Variants in TPP2 observed in about 807,000 individuals in gnomAD.
TPP2 encodes the protein tripeptidyl peptidase 2, also known as tripeptidyl-peptidase 2.
TPP2 carries 34 observed loss-of-function variants against 155.9 expected under a neutral mutation model. The ratio of observed to expected loss-of-function variants is 0.22; its 90% confidence interval spans 0.17 to 0.29. The LOEUF is 0.29. Among genes scored for constraint, TPP2 ranks in the 10% least tolerant of loss-of-function variants. TPP2 has a pLI of 1.00. For synonymous variants in TPP2, 510 were observed against 529.4 expected (o/e 0.96, Z 0.50); for missense variants, 1,028 against 1,522.3 (o/e 0.68, Z 5.40).
chr13:102,604,010 A>T (rs1879626038), intron 1 of TPP2, among the ~76,000 whole-genome samples: 1 of 152,180 alleles, frequency 6.6e-6, no homozygotes, highest in African/African-American at 2.4e-5. Flanking sequence ...CGCTGTGAGG[A>T]GTCAACTGAA....
rs913128876 is a variant in TPP2, at chr13:102,654,909, G to A, written c.2992-2147G>A. The A allele has an allele frequency of 1.1e-5, 5 of 467,906 alleles. No individual in the cohort carries two copies. In the Admixed American group the frequency reaches 1.1e-4, roughly 11 times the overall value. 29.0% of individuals were successfully genotyped at this position (467,906 alleles called of 1,614,324 possible). ...GCTCAGGGCAGTGCCTACCCAGAGA[G>A]TGAACCTCAAGAAGGAGAGGAGCAG... On this transcript the variant is annotated intron_variant, in intron 24 of 29. Transcript: ENST00000376052.
chr13:102,675,357 A>G (rs1595229640), intron 28 of TPP2, among the ~76,000 whole-genome samples: 1 of 152,230 alleles, frequency 6.6e-6, no homozygotes, highest in African/African-American at 2.4e-5. Context: ...ATCTGAAATT[A>G]GAGCCCTTGA....
chr13:102,607,064 A>G (rs1327630071), intron 2 of TPP2, among the ~76,000 whole-genome samples: 1 of 152,220 alleles, frequency 6.6e-6, no homozygotes, highest in Non-Finnish European at 1.5e-5. Context: ...ATATGAGGAC[A>G]CAGCAAGAAG....
intron 3 of TPP2, among the ~76,000 whole-genome samples, chr13:102,615,122 T>C (rs1455804919): frequency 1.3e-5 from 2 of 152,198 alleles, no homozygotes; most frequent in Non-Finnish European, 2.9e-5. Flanking sequence ...TTACTCAGAT[T>C]ACCTTATTTG....
At chr13:102,614,313 GGGTGGTT>G in intron 3 of TPP2, 117 bp downstream of exon 3, 1 of 893,868 alleles carries the variant, frequency 1.1e-6, no homozygotes, top group Non-Finnish European at 1.6e-6. Flanking sequence ...TTAGTTTTTT[GGGTGGTT>G]GGTGGCTTTC....
chr13:102,649,605 A>G (rs1883359459), intron 23 of TPP2, 119 bp downstream of exon 23: 1 of 814,640 alleles, frequency 1.2e-6, no homozygotes. Context: ...TTGGGGAAAA[A>G]AATTTAATCC....
chr13:102,647,927 GTA>G (rs1335057437), intron 21 of TPP2, among the ~76,000 whole-genome samples: 2 of 152,110 alleles, frequency 1.3e-5, no homozygotes, highest in East Asian at 3.9e-4. Context: ...CCTGTAATAT[GTA>G]TAATTTTATG....
intron 16 of TPP2, among the ~76,000 whole-genome samples, chr13:102,642,037 C>CTGGGTTTG (rs929995239): frequency 2.6e-5 from 4 of 152,048 alleles, no homozygotes; most frequent in African/African-American, 9.7e-5. Context: ...ATTGAGAAGT[C>CTGGGTTTG]TGGGTTTGGA....
rs921260119 is a variant in TPP2 at position 102,657,272 on chromosome 13, TTG to T, written c.3143+69_3143+70del. The T allele has an allele frequency of 4.7e-5, 66 of 1,401,374 alleles. 1 individual carries two copies. Among genetic ancestry groups the T allele is most frequent in the Middle Eastern group, 2.6e-4 (1 of 3,820 alleles). 86.8% of individuals were successfully genotyped at this position (1,401,374 alleles called of 1,614,324 possible). A position where few individuals can be genotyped will look rare whatever the true frequency, so the allele number is the denominator to read the frequency against. The stretch of plus-strand genomic sequence containing the variant: ...TTCTATTTTCCCAACTATAACAATA[TTG>T]TGTATATATACATAGACCGTATTTA... On this transcript the variant is annotated intron_variant, in intron 25 of 29. Transcript: ENST00000376052.
chr13:102,601,302 A>G (rs1879412011), intron 1 of TPP2, among the ~76,000 whole-genome samples: 1 of 152,194 alleles, frequency 6.6e-6, no homozygotes, highest in African/African-American at 2.4e-5. Flanking sequence ...ACCTTTCCTG[A>G]AATTTTAAGT....
chr13:102,667,901 G>T, intron 27 of TPP2: 1 of 872,668 alleles, frequency 1.1e-6, no homozygotes, highest in African/African-American at 1.8e-5. Context: ...GTGAAAGAGT[G>T]GGCTAGGGGA....
rs1223645960 is a variant in TPP2, at chr13:102,644,615, A to T, written c.2234A>T (p.Asn745Ile). The T allele has an allele frequency of 2.5e-6, 4 of 1,613,256 alleles. No homozygotes were observed. The highest frequency in any genetic ancestry group is 1.1e-5 in the South Asian group (1 of 90,838). Residue 745 changes from asparagine to isoleucine, a missense_variant, in exon 18 of 30, where the codon AAC becomes ATC. Physicochemically the swap from Asn to Ile is moderately radical, Grantham distance 149. This residue lies in a region of TPP2 where 325 missense variants were observed against 463.7 expected (regional missense o/e 0.70). Coordinates refer to ENST00000376052, the MANE Select transcript of TPP2 (RefSeq NM_001330588.2). Reference sequence around the variant, plus strand: ...TGGTGGGCAAGTCTCAGTGATGTCAACATTGATTATACCATTTCTTTCCAT... The same window carrying T: ...TGGTGGGCAAGTCTCAGTGATGTCATCATTGATTATACCATTTCTTTCCAT... ...ARWWASLSDV[N>I]IDYTISFHGI...
intron 1 of TPP2, among the ~76,000 whole-genome samples, chr13:102,599,712 A>G (rs1879282533): frequency 6.6e-6 from 1 of 152,198 alleles, no homozygotes; most frequent in Non-Finnish European, 1.5e-5. Flanking sequence ...ATATTTCCTC[A>G]GCAGATATTC....
intron 5 of TPP2, 70 bp downstream of exon 5, chr13:102,618,916 G>T: frequency 6.5e-7 from 1 of 1,529,144 alleles, no homozygotes. Context: ...AACATTAAAT[G>T]CTCAGAGCTG....
chr13:102,667,734 G>A lies in TPP2; in HGVS notation c.3371+2809G>A. On this transcript the variant is annotated intron_variant, in intron 27 of 29. Transcript: ENST00000376052. ...CTAATTTAACCCAGGTCTGACAAAT[G>A]CAGATTACCTGTGTCACCCCCAGGT... 4 of 985,374 alleles carry A rather than the reference G, an allele frequency of 4.1e-6. No individual in the cohort carries two copies. The African/African-American group carries it at 5.2e-5, about 13-fold the overall frequency. The allele number at this position is 985,374 out of a possible 1,614,324, so 61.0% of individuals were successfully genotyped here. A position where few individuals can be genotyped will look rare whatever the true frequency, so the allele number is the denominator to read the frequency against.
At chr13:102,600,383 C>T (rs1752858363) in intron 1 of TPP2, among the ~76,000 whole-genome samples, 1 of 152,128 alleles carries the variant, frequency 6.6e-6, no homozygotes, top group Admixed American at 6.5e-5. Context: ...TGATTTAATT[C>T]TGCGCGCCCC....
rs1057320026 is a variant in TPP2 at position 102,637,297 on chromosome 13, A to G, written c.1836+58A>G. Reference sequence around the variant, plus strand: ...CTCTTTAAAATGTTTAAAAGGTTAAAAAAAAATCCAAAGTATATTTGCAAT... The same window carrying G: ...CTCTTTAAAATGTTTAAAAGGTTAAGAAAAAATCCAAAGTATATTTGCAAT... On this transcript the variant is annotated intron_variant, in intron 14 of 29. Coordinates refer to ENST00000376052, the MANE Select transcript of TPP2 (RefSeq NM_001330588.2). 10 of 1,529,758 alleles carry G rather than the reference A, an allele frequency of 6.5e-6. No homozygotes were observed. In the African/African-American group the frequency reaches 1.3e-4, roughly 19 times the overall value. The allele number at this position is 1,529,758 out of a possible 1,614,324, so 94.8% of individuals were successfully genotyped here.
intron 27 of TPP2, among the ~76,000 whole-genome samples, chr13:102,666,079 GT>G (rs1884572654): frequency 2.6e-5 from 4 of 152,170 alleles, no homozygotes; most frequent in Admixed American, 6.5e-5. Context: ...TGCCGATTAT[GT>G]ATAAGGGACT....
intron 19 of TPP2, 39 bp downstream of exon 19, chr13:102,645,048 T>C: frequency 6.3e-7 from 1 of 1,580,622 alleles, no homozygotes. Flanking sequence ...ATATTGAATA[T>C]AGATTGGGGG....
Sources: allele counts gnomAD v4.1 joint callset (sites outside exome capture counted in the v4.1 genomes callset), GRCh38; gene constraint gnomAD v4.1.1; regional missense constraint gnomAD v4.1.1; transcripts MANE v1.5; gene names NCBI Gene and HGNC (gene_info 2026-07-23, HGNC 2026-07-21).